The following L3MBTL4 variants were observed in gnomAD, a reference collection of about 807,000 sequenced individuals.
The protein encoded by L3MBTL4 is L3MBTL histone methyl-lysine binding protein 4, also known as lethal(3)malignant brain tumor-like protein 4.
L3MBTL4 carries 70 observed loss-of-function variants against 84.5 expected under a neutral mutation model. The observed-to-expected ratio is 0.83, with a 90% CI of 0.68 to 1.01. The LOEUF (loss-of-function observed/expected upper bound fraction) is 1.01, where lower values mean the gene tolerates loss of function less well. L3MBTL4 is among the 50% of genes least tolerant of loss of function. The pLI is 0.00. For synonymous variants in L3MBTL4, 274 were observed against 259.8 expected, an observed-to-expected ratio of 1.05 and a Z score of -0.52; for missense variants, 715 against 754.8, an observed-to-expected ratio of 0.95 and a Z score of 0.62.
intron 18 of L3MBTL4, 38 bp from the exon 19 acceptor site, chr18:5,956,425 G>T: frequency 1.3e-6 from 2 of 1,599,644 alleles, no homozygotes; most frequent in South Asian, 1.1e-5. Context: ...AAAATGTTTT[G>T]CCACGGAAGC....
intron 4 of L3MBTL4, among the ~76,000 whole-genome samples, chr18:6,264,339 C>G (rs2048536107): frequency 6.6e-6 from 1 of 152,190 alleles, no homozygotes; most frequent in African/African-American, 2.4e-5. Context: ...GGTGAACAGG[C>G]ACAGGCTTTC....
chr18:6,297,791 A>G (rs1368729996), intron 4 of L3MBTL4, among the ~76,000 whole-genome samples: 1 of 152,250 alleles, frequency 6.6e-6, no homozygotes, highest in Non-Finnish European at 1.5e-5. Context: ...AATTCATTTT[A>G]GCCATCATTC....
At chr18:6,338,373 A>G (rs1599693688) in intron 1 of L3MBTL4, among the ~76,000 whole-genome samples, 1 of 152,142 alleles carries the variant, frequency 6.6e-6, no homozygotes, top group African/African-American at 2.4e-5. Flanking sequence ...ATGCTGATAA[A>G]CAATAATATT....
At chr18:6,004,376 C>T (rs568347822) in intron 16 of L3MBTL4, among the ~76,000 whole-genome samples, 2 of 152,266 alleles carry the variant, frequency 1.3e-5, no homozygotes, top group South Asian at 4.1e-4. Context: ...GAGATTGAGT[C>T]AGTAATCAAC....
intron 16 of L3MBTL4, among the ~76,000 whole-genome samples, chr18:6,038,251 C>CTTTTTTTTTT (rs34580980): frequency 8.2e-5 from 8 of 97,862 alleles, no homozygotes; most frequent in Admixed American, 1.3e-4. Context: ...ATTTCTGGAT[C>CTTTTTTTTTT]TTTTTTTTTT....
At chr18:6,141,017 G>C (rs2060180186) in intron 13 of L3MBTL4, among the ~76,000 whole-genome samples, 1 of 150,720 alleles carries the variant, frequency 6.6e-6, no homozygotes, top group African/African-American at 2.4e-5. Context: ...TCTAGACTAT[G>C]AGTGCCTCTG....
intron 1 of L3MBTL4, among the ~76,000 whole-genome samples, chr18:6,358,643 C>T (rs1228009340): frequency 6.6e-6 from 1 of 152,328 alleles, no homozygotes; most frequent in East Asian, 1.9e-4. Flanking sequence ...CTCCTCAAAC[C>T]AAATCCAAGA....
intron 16 of L3MBTL4, among the ~76,000 whole-genome samples, chr18:6,000,465 G>A (rs559609245): frequency 3.3e-5 from 5 of 152,134 alleles, no homozygotes; most frequent in East Asian, 1.9e-4. Context: ...TGCATAACCC[G>A]GAGTCAGGAT....
chr18:6,270,379 G>T (rs1187385344), intron 4 of L3MBTL4, among the ~76,000 whole-genome samples: 2 of 152,176 alleles, frequency 1.3e-5, no homozygotes, highest in Non-Finnish European at 2.9e-5. Context: ...GGTACTGAGA[G>T]AATCCAACTT....
chr18:6,133,866 G>C (rs968726172), intron 14 of L3MBTL4, among the ~76,000 whole-genome samples: 12 of 152,180 alleles, frequency 7.9e-5, no homozygotes, highest in Non-Finnish European at 1.5e-5. Flanking sequence ...CAAAATGGTG[G>C]AGTTTAACTG....
At chr18:6,031,076 A>G (rs2055777063) in intron 16 of L3MBTL4, 1 of 985,416 alleles carries the variant, frequency 1.0e-6, no homozygotes, top group Non-Finnish European at 1.2e-6. Context: ...ACATCCAATT[A>G]TTAATTATAG....
intron 4 of L3MBTL4, among the ~76,000 whole-genome samples, chr18:6,289,086 T>G (rs1204671990): frequency 6.6e-6 from 1 of 152,012 alleles, no homozygotes; most frequent in East Asian, 1.9e-4. Context: ...ATAAAATGAT[T>G]GGTTGTCCCA....
At chr18:6,076,150 AC>A (rs1176390278) in intron 16 of L3MBTL4, among the ~76,000 whole-genome samples, 2 of 152,216 alleles carry the variant, frequency 1.3e-5, no homozygotes, top group African/African-American at 4.8e-5. Context: ...TATTTATCCT[AC>A]AAAAATGCAT....
intron 4 of L3MBTL4, among the ~76,000 whole-genome samples, chr18:6,289,070 C>T (rs1230815631): frequency 6.6e-6 from 1 of 151,678 alleles, no homozygotes; most frequent in Non-Finnish European, 1.5e-5. Context: ...AAGTTGTTGT[C>T]CTAAGATAAA....
At chr18:6,116,908 T>C (rs992143556) in intron 14 of L3MBTL4, among the ~76,000 whole-genome samples, 2 of 152,214 alleles carry the variant, frequency 1.3e-5, no homozygotes, top group Non-Finnish European at 2.9e-5. Flanking sequence ...GTCACTTCTT[T>C]GCTTTCATTC....
intron 4 of L3MBTL4, among the ~76,000 whole-genome samples, chr18:6,267,717 T>A (rs75893775): frequency 0.013 from 1,917 of 152,356 alleles, 37 homozygotes; most frequent in African/African-American, 0.043. Flanking sequence ...ATCTAAGGCC[T>A]CCTTTTATGA....
intron 14 of L3MBTL4, among the ~76,000 whole-genome samples, chr18:6,117,588 G>T (rs1249328816): frequency 6.6e-6 from 1 of 152,194 alleles, no homozygotes; most frequent in Non-Finnish European, 1.5e-5. Flanking sequence ...AAGTTCAAAT[G>T]CTGAATCTGC....
chr18:6,382,386 T>C (rs1156297841), intron 1 of L3MBTL4, among the ~76,000 whole-genome samples: 2 of 152,080 alleles, frequency 1.3e-5, no homozygotes, highest in East Asian at 1.9e-4. Context: ...TGGCGAGGAG[T>C]TGTGATCCTT....
chr18:6,036,514 G>T (rs1299683081), intron 16 of L3MBTL4, among the ~76,000 whole-genome samples: 2 of 151,904 alleles, frequency 1.3e-5, no homozygotes, highest in African/African-American at 2.4e-5. Flanking sequence ...TTAATACATT[G>T]TTCTCTTGAG....
Sources: allele counts gnomAD v4.1 joint callset (sites outside exome capture counted in the v4.1 genomes callset), GRCh38; gene constraint gnomAD v4.1.1; transcripts MANE v1.5; gene names NCBI Gene and HGNC (gene_info 2026-07-23, HGNC 2026-07-21).